Variants in KHDRBS2 observed in about 807,000 individuals in gnomAD.
KHDRBS2 encodes the protein KH domain-containing, RNA-binding, signal transduction-associated protein 2.
KHDRBS2 carries 26 observed loss-of-function variants against 44.3 expected under a neutral mutation model. The observed-to-expected ratio is 0.59, with a 90% confidence interval of 0.43 to 0.81. The LOEUF is 0.81. Among genes scored for constraint, KHDRBS2 ranks in the 40% least tolerant of loss-of-function variants. KHDRBS2 has a pLI of 0.00. For synonymous variants in KHDRBS2, 194 were observed against 151.1 expected, an observed-to-expected ratio of 1.28 and a Z score of -2.08; for missense variants, 476 against 433.1, an observed-to-expected ratio of 1.10 and a Z score of -0.88.
chr6:62,169,818 T>C (rs1460648370), intron 2 of KHDRBS2, among the ~76,000 whole-genome samples: 2 of 151,940 alleles, frequency 1.3e-5, no homozygotes, highest in Non-Finnish European at 1.5e-5. Flanking sequence ...CCTTAGACCC[T>C]GGAACAGACT....
chr6:62,103,478 TG>T (rs1425934526), intron 2 of KHDRBS2, among the ~76,000 whole-genome samples: 2 of 152,124 alleles, frequency 1.3e-5, no homozygotes, highest in Non-Finnish European at 2.9e-5. Context: ...GAGTGGGCAC[TG>T]GGAGCAGAGA....
intron 2 of KHDRBS2, among the ~76,000 whole-genome samples, chr6:62,155,686 G>A (rs1422613676): frequency 6.6e-6 from 1 of 152,138 alleles, no homozygotes; most frequent in Admixed American, 6.5e-5. Context: ...TGTAACTCAT[G>A]AATACTATTT....
intron 2 of KHDRBS2, among the ~76,000 whole-genome samples, 153 bp from the exon 3 acceptor site, chr6:62,048,147 C>CACACAA (rs763616043): frequency 9.3e-5 from 14 of 151,190 alleles, no homozygotes; most frequent in Non-Finnish European, 1.6e-4. Context: ...CACACACACA[C>CACACAA]ACACACACAC....
intron 2 of KHDRBS2, among the ~76,000 whole-genome samples, chr6:62,104,418 A>G (rs1802661468): frequency 1.3e-5 from 2 of 152,218 alleles, no homozygotes; most frequent in African/African-American, 4.8e-5. Flanking sequence ...CATTAGGTAT[A>G]TTTGAAATCA....
At chr6:62,138,217 C>T (rs1584912435) in intron 2 of KHDRBS2, among the ~76,000 whole-genome samples, 1 of 152,282 alleles carries the variant, frequency 6.6e-6, no homozygotes, top group East Asian at 1.9e-4. Flanking sequence ...ATCATATACT[C>T]CTCTTCAGCT....
At chr6:61,801,327 TA>T (rs1295636487) in intron 6 of KHDRBS2, among the ~76,000 whole-genome samples, 2 of 151,978 alleles carry the variant, frequency 1.3e-5, no homozygotes, top group Non-Finnish European at 1.5e-5. Context: ...TATAGTGAAA[TA>T]AAATGGTGCT....
Position 61,984,524 on chromosome 6 carries a change from C to T in KHDRBS2, c.337-6312G>A, listed in dbSNP as rs1210648061. Reference sequence around the variant, plus strand: ...TGAAACAGAGATTTACCAAAGTCAGCTACCACAACCCCTGACTCTGGAGTG... The same window carrying T: ...TGAAACAGAGATTTACCAAAGTCAGTTACCACAACCCCTGACTCTGGAGTG... On this transcript the variant is annotated intron_variant, in intron 3 of 8. Coordinates refer to ENST00000281156, the MANE Select transcript of KHDRBS2 (RefSeq NM_152688.4). 5.7e-4 allele frequency among the ~76,000 whole-genome samples: 87 copies of T among 152,318 alleles called. 2 individuals carry two copies. The South Asian group carries it at 0.018, about 31-fold the overall frequency.
At chr6:61,864,614 A>G (rs1289136722) in intron 6 of KHDRBS2, among the ~76,000 whole-genome samples, 1 of 151,992 alleles carries the variant, frequency 6.6e-6, no homozygotes, top group Non-Finnish European at 1.5e-5. Context: ...GTCTTTTAGG[A>G]TTTCCTTGAG....
intron 6 of KHDRBS2, among the ~76,000 whole-genome samples, chr6:61,761,306 CAT>C (rs1380280434): frequency 1.3e-5 from 2 of 152,164 alleles, no homozygotes; most frequent in Non-Finnish European, 2.9e-5. Context: ...TTTTGACTAA[CAT>C]GTAAATGTTT....
intron 3 of KHDRBS2, among the ~76,000 whole-genome samples, chr6:62,047,249 T>C (rs748630021): frequency 1.3e-5 from 2 of 151,956 alleles, no homozygotes; most frequent in Non-Finnish European, 2.9e-5. Context: ...AAACACTGAA[T>C]TCTAACACTG....
chr6:61,955,189 T>A (rs1025422257), intron 4 of KHDRBS2, among the ~76,000 whole-genome samples: 1 of 145,408 alleles, frequency 6.9e-6, no homozygotes, highest in African/African-American at 2.5e-5. Flanking sequence ...CACATACGTT[T>A]GTATGTATAC....
chr6:62,272,855 A>T (rs1445147555), intron 1 of KHDRBS2, among the ~76,000 whole-genome samples: 2 of 152,168 alleles, frequency 1.3e-5, no homozygotes, highest in African/African-American at 4.8e-5. Context: ...CAAGTTAGAA[A>T]GGTGGAAGTA....
At chr6:61,674,228 ATGAC>A in the KHDRBS2 span, among the ~76,000 whole-genome samples, 2,536 of 151,868 alleles carry the variant, frequency 0.017, 38 homozygotes, top group African/African-American at 0.036. Context: ...TCAAAGTAAA[ATGAC>A]TGACTTCAAG....
chr6:61,583,595 A>G, the KHDRBS2 span, among the ~76,000 whole-genome samples: 2 of 151,732 alleles, frequency 1.3e-5, no homozygotes, highest in African/African-American at 2.4e-5. Context: ...CCTTTGCCAC[A>G]CTTACTTGAC....
At chr6:61,918,882 T>C (rs1465565623) in intron 4 of KHDRBS2, among the ~76,000 whole-genome samples, 1 of 151,948 alleles carries the variant, frequency 6.6e-6, no homozygotes, top group African/African-American at 2.4e-5. Context: ...GTAAGCAAAT[T>C]ACATAGATAA....
intron 6 of KHDRBS2, among the ~76,000 whole-genome samples, chr6:61,880,018 A>G (rs1209407317): frequency 6.6e-6 from 1 of 151,900 alleles, no homozygotes; most frequent in Non-Finnish European, 1.5e-5. Flanking sequence ...CAAAGCAAAG[A>G]AAGAATCAAA....
At chr6:62,181,818 G>T (rs912457718) in intron 1 of KHDRBS2, among the ~76,000 whole-genome samples, 1 of 151,846 alleles carries the variant, frequency 6.6e-6, no homozygotes, top group African/African-American at 2.4e-5. Context: ...TAAAAAAGAG[G>T]CCTGAGGGAG....
intron 3 of KHDRBS2, among the ~76,000 whole-genome samples, chr6:62,038,043 T>C (rs950931450): frequency 6.6e-6 from 1 of 152,048 alleles, no homozygotes; most frequent in Non-Finnish European, 1.5e-5. Flanking sequence ...TTTCTATGAC[T>C]GGCTTAACTG....
At chr6:61,647,728 C>T in the KHDRBS2 span, among the ~76,000 whole-genome samples, 10 of 152,094 alleles carry the variant, frequency 6.6e-5, no homozygotes, top group Non-Finnish European at 1.0e-4. Context: ...CATCATTTTT[C>T]CAGAGATCTT....
Sources: allele counts gnomAD v4.1 joint callset (sites outside exome capture counted in the v4.1 genomes callset), GRCh38; gene constraint gnomAD v4.1.1; transcripts MANE v1.5; gene names NCBI Gene and HGNC (gene_info 2026-07-23, HGNC 2026-07-21).